EDIL3: variants seen among roughly 807,000 people sequenced by gnomAD.
The protein encoded by EDIL3 is EGF-like repeat and discoidin I-like domain-containing protein 3.
EDIL3 carries 37 observed loss-of-function variants against 67.4 expected under a neutral mutation model. The observed-to-expected ratio is 0.55, with a 90% confidence interval of 0.42 to 0.72. The LOEUF (loss-of-function observed/expected upper bound fraction) is 0.72. EDIL3 is among the 30% of genes least tolerant of loss of function. The probability of loss-of-function intolerance (pLI) is 0.00; values close to 1 mark genes in which losing one functional copy is unlikely to be tolerated. For synonymous variants in EDIL3, 195 were observed against 196.3 expected (o/e 0.99, Z 0.05); for missense variants, 527 against 586.3 (o/e 0.90, Z 1.04).
intron 8 of EDIL3, among the ~76,000 whole-genome samples, chr5:84,061,913 A>G (rs1561419150): frequency 1.3e-5 from 2 of 152,136 alleles, no homozygotes; most frequent in African/African-American, 4.8e-5. Flanking sequence ...GAGGTGCTTT[A>G]GAACTCTTCA....
At chr5:84,026,539 A>G (rs968141754) in intron 9 of EDIL3, among the ~76,000 whole-genome samples, 1 of 152,022 alleles carries the variant, frequency 6.6e-6, no homozygotes, top group African/African-American at 2.4e-5. Flanking sequence ...CATTTCTACC[A>G]AGTTCAATTT....
chr5:83,973,149 T>A (rs1294201706), intron 9 of EDIL3, among the ~76,000 whole-genome samples: 1 of 152,078 alleles, frequency 6.6e-6, no homozygotes, highest in Non-Finnish European at 1.5e-5. Context: ...AATTAACATA[T>A]CTTCCTTATT....
intron 1 of EDIL3, among the ~76,000 whole-genome samples, chr5:84,375,488 G>T (rs530595535): frequency 6.6e-6 from 1 of 152,208 alleles, no homozygotes; most frequent in Admixed American, 6.5e-5. Context: ...TCTTAATGGG[G>T]TTATGTGGAA....
intron 5 of EDIL3, among the ~76,000 whole-genome samples, chr5:84,109,271 C>T (rs1013699733): frequency 2.0e-5 from 3 of 152,044 alleles, no homozygotes; most frequent in Non-Finnish European, 2.9e-5. Context: ...TTTGGGAGAC[C>T]GAGGCAGGTG....
intron 9 of EDIL3, among the ~76,000 whole-genome samples, chr5:84,046,848 A>T (rs1306173241): frequency 6.6e-6 from 1 of 152,208 alleles, no homozygotes; most frequent in African/African-American, 2.4e-5. Flanking sequence ...TGCTGTGCAC[A>T]TGAAATTCTT....
intron 4 of EDIL3, among the ~76,000 whole-genome samples, chr5:84,163,905 G>A (rs1465268108): frequency 1.3e-5 from 2 of 151,852 alleles, no homozygotes; most frequent in South Asian, 2.1e-4. Context: ...ACTTCTAAAC[G>A]GATTCCATTG....
chr5:84,316,766 G>C (rs1746521625), intron 1 of EDIL3, among the ~76,000 whole-genome samples: 1 of 152,048 alleles, frequency 6.6e-6, no homozygotes, highest in African/African-American at 2.4e-5. Context: ...GGACTTACTA[G>C]ACATCTACAG....
chr5:83,984,935 C>T (rs778650294), intron 9 of EDIL3, among the ~76,000 whole-genome samples: 1 of 124,564 alleles, frequency 8.0e-6, no homozygotes, highest in Non-Finnish European at 1.7e-5. Context: ...TGCACACACA[C>T]GTATGCAAAC....
chr5:84,217,670 A>G (rs1744255841), intron 3 of EDIL3, among the ~76,000 whole-genome samples: 1 of 151,200 alleles, frequency 6.6e-6, no homozygotes, highest in African/African-American at 2.4e-5. Flanking sequence ...AAATCACATA[A>G]GCCAATTCCT....
intron 1 of EDIL3, among the ~76,000 whole-genome samples, chr5:84,366,425 G>A (rs931095896): frequency 2.6e-5 from 4 of 152,120 alleles, no homozygotes; most frequent in African/African-American, 4.8e-5. Flanking sequence ...ATCCGTTGAA[G>A]CAGAAAATGT....
chr5:84,373,416 C>T (rs1747896989), intron 1 of EDIL3, among the ~76,000 whole-genome samples: 1 of 152,090 alleles, frequency 6.6e-6, no homozygotes, highest in Admixed American at 6.6e-5. Flanking sequence ...ATTACGATGC[C>T]TCCAAAATCT....
intron 10 of EDIL3, among the ~76,000 whole-genome samples, chr5:83,959,553 C>T (rs953353064): frequency 6.6e-6 from 1 of 150,650 alleles, no homozygotes; most frequent in Admixed American, 6.6e-5. Flanking sequence ...ACATGTTTTG[C>T]CCTGAAACAT....
At chr5:83,954,129 T>C (rs905148324) in intron 10 of EDIL3, among the ~76,000 whole-genome samples, 91 of 151,878 alleles carry the variant, frequency 6.0e-4, no homozygotes, top group African/African-American at 2.1e-3. Context: ...TTGCAGCTGA[T>C]GGTGTGATGG....
intron 3 of EDIL3, among the ~76,000 whole-genome samples, chr5:84,187,364 G>A (rs989864271): frequency 6.6e-6 from 1 of 152,040 alleles, no homozygotes; most frequent in African/African-American, 2.4e-5. Flanking sequence ...TACACACTTA[G>A]AGACTGTGCC....
intron 1 of EDIL3, among the ~76,000 whole-genome samples, chr5:84,311,328 T>C (rs193179197): frequency 0.021 from 3,171 of 149,268 alleles, 65 homozygotes; most frequent in Non-Finnish European, 0.031. Flanking sequence ...TTTTTTCTTT[T>C]TTTTTTTTTT....
chr5:84,147,444 T>A (rs78328309), intron 4 of EDIL3, among the ~76,000 whole-genome samples: 2,027 of 152,142 alleles, frequency 0.013, 14 homozygotes, highest in Non-Finnish European at 0.018. Flanking sequence ...GGAGTCATAA[T>A]AATGCATATA....
chr5:84,378,164 T>C (rs1050440073), intron 1 of EDIL3, among the ~76,000 whole-genome samples: 3 of 152,232 alleles, frequency 2.0e-5, no homozygotes, highest in Non-Finnish European at 2.9e-5. Context: ...CTTAAATAAG[T>C]ACATTGTTCA....
chr5:84,123,793 T>C (rs1258330909), intron 5 of EDIL3, among the ~76,000 whole-genome samples: 1 of 151,896 alleles, frequency 6.6e-6, no homozygotes, highest in African/African-American at 2.4e-5. Context: ...TTTCAAAAAC[T>C]GTATGTACTG....
intron 1 of EDIL3, among the ~76,000 whole-genome samples, chr5:84,372,445 T>C (rs1020663361): frequency 6.6e-6 from 1 of 152,136 alleles, no homozygotes; most frequent in Admixed American, 6.6e-5. Context: ...AAATGACCCA[T>C]GGATGGGCAA....
Sources: allele counts gnomAD v4.1 joint callset (sites outside exome capture counted in the v4.1 genomes callset), GRCh38; gene constraint gnomAD v4.1.1; transcripts MANE v1.5; gene names NCBI Gene and HGNC (gene_info 2026-07-23, HGNC 2026-07-21).